SHE: variants seen among roughly 807,000 people sequenced by gnomAD.
SHE encodes Src homology 2 domain containing E.
A neutral mutation model predicts 49.8 loss-of-function variants in SHE; 11 were observed. The ratio of observed to expected loss-of-function variants is 0.22; its 90% confidence interval spans 0.14 to 0.37. SHE has a LOEUF of 0.37. Among genes scored for constraint, SHE ranks in the 10% least tolerant of loss-of-function variants. The pLI is 1.00. For synonymous variants in SHE, 310 were observed against 278.1 expected, an observed-to-expected ratio of 1.11 and a Z score of -1.14; for missense variants, 624 against 655.5, an observed-to-expected ratio of 0.95 and a Z score of 0.52.
At chr1:154,472,348 T>C (rs1046441795) in intron 1 of SHE, among the ~76,000 whole-genome samples, 1 of 152,180 alleles carries the variant, frequency 6.6e-6, no homozygotes, top group Non-Finnish European at 1.5e-5. Context: ...TAAATGCACC[T>C]CAGCATGTAA....
Position 154,489,199 on chromosome 1 carries a change from A to C in SHE, c.876T>G (p.Thr292=). ...LLGKPPQLYD[T]PYEPAEGGPR... is the part of the protein sequence containing the mutation. ...GCCCCCCTTCTGCAGGCTCGTAGGGAGTGTCGTATAGCTGTGGCGGCTTCC... is the reference window on the plus strand; with the variant it reads ...GCCCCCCTTCTGCAGGCTCGTAGGGCGTGTCGTATAGCTGTGGCGGCTTCC... The change falls in exon 3 of 6, where the codon ACT becomes ACG. Residue 292 remains threonine (T), a synonymous_variant. Coordinates refer to ENST00000304760, the MANE Select transcript of SHE (RefSeq NM_001010846.3). 1 of 1,613,954 alleles carries C rather than the reference A, an allele frequency of 6.2e-7. No individual in the cohort carries two copies. Among genetic ancestry groups the C allele is most frequent in the Non-Finnish European group, 8.5e-7 (1 of 1,179,992 alleles).
At chr1:154,498,678 G>A (rs902307281) in intron 2 of SHE, among the ~76,000 whole-genome samples, 3 of 152,156 alleles carry the variant, frequency 2.0e-5, no homozygotes, top group Non-Finnish European at 2.9e-5. Flanking sequence ...TTATAGGCAC[G>A]AGCCACTGCA....
chr1:154,490,019 C>T (rs552417202), intron 2 of SHE, among the ~76,000 whole-genome samples: 3 of 152,326 alleles, frequency 2.0e-5, no homozygotes, highest in African/African-American at 7.2e-5. Flanking sequence ...ATCACTTTTG[C>T]ACCACTGTAA....
Position 154,481,880 on chromosome 1 carries a change from C to CA in SHE, c.*2268dup. On this transcript the variant is annotated 3_prime_UTR_variant, in exon 6 of 6. Coordinates refer to ENST00000304760, the MANE Select transcript of SHE (RefSeq NM_001010846.3). The stretch of plus-strand genomic sequence containing the variant: ...TTGCTTGCTTGTTGAGACAGGGTCT[C>CA]ACTCTGTCACTCAGGCTGGAGTGCA... The CA allele has an allele frequency of 1.3e-6, 1 of 787,534 alleles. No homozygotes were observed. The highest frequency in any genetic ancestry group is 1.5e-6 in the Non-Finnish European group (1 of 649,506). The allele number at this position is 787,534 out of a possible 1,614,324, so 48.8% of individuals were successfully genotyped here.
At chr1:154,489,526 G>T in intron 2 of SHE, among the ~76,000 whole-genome samples, 170 bp from the exon 3 acceptor site, 1 of 152,228 alleles carries the variant, frequency 6.6e-6, no homozygotes, top group East Asian at 1.9e-4. Flanking sequence ...TTACTTCTCA[G>T]CTGTGTTACA....
chr1:154,481,406 T>C lies in SHE; in HGVS notation c.*2743A>G, dbSNP rs199646267. On this transcript the variant is annotated 3_prime_UTR_variant, in exon 6 of 6. Coordinates refer to ENST00000304760, the MANE Select transcript of SHE (RefSeq NM_001010846.3). ...TGCCTCTCCTCTACTTTTAATTCTA[T>C]AAAGAATATAGTATGACTTGTCACA... 8.1e-6 allele frequency: 8 copies of C among 985,440 alleles called. No individual in the cohort carries two copies. In the East Asian group the frequency reaches 9.1e-4, roughly 112 times the overall value. The allele number at this position is 985,440 out of a possible 1,614,324, so 61.0% of individuals were successfully genotyped here. A position where few individuals can be genotyped will look rare whatever the true frequency, so the allele number is the denominator to read the frequency against.
Position 154,481,361 on chromosome 1 carries a change from A to G in SHE, c.*2788T>C. On this transcript the variant is annotated 3_prime_UTR_variant, in exon 6 of 6. Coordinates refer to ENST00000304760, the MANE Select transcript of SHE (RefSeq NM_001010846.3). The stretch of plus-strand genomic sequence containing the variant: ...TAACCTCCTGTACAACTGTAAAGCA[A>G]CTGGACAATATGTAAACTCTGCCTC... 1.0e-6 allele frequency: 1 copy of G among 985,468 alleles called. No individual in the cohort carries two copies. Among genetic ancestry groups the G allele is most frequent in the Non-Finnish European group, 1.2e-6 (1 of 829,938 alleles). The allele number at this position is 985,468 out of a possible 1,614,324, so 61.0% of individuals were successfully genotyped here.
chr1:154,500,463 C>T (rs933230957), intron 1 of SHE, among the ~76,000 whole-genome samples: 27 of 152,186 alleles, frequency 1.8e-4, no homozygotes, highest in Admixed American at 3.3e-4. Context: ...ACATACACAG[C>T]ATGTGTTATG....
intron 2 of SHE, among the ~76,000 whole-genome samples, chr1:154,495,175 C>A (rs570608424): frequency 3.4e-4 from 52 of 152,368 alleles, no homozygotes; most frequent in Non-Finnish European, 6.8e-4. Context: ...AGAAAGAATC[C>A]TCATGCTAAC....
At chr1:154,495,600 T>C (rs1692503473) in intron 2 of SHE, among the ~76,000 whole-genome samples, 1 of 152,110 alleles carries the variant, frequency 6.6e-6, no homozygotes, top group Admixed American at 6.5e-5. Flanking sequence ...TCATGGCACT[T>C]ATCATGCTTT....
At chr1:154,486,299 T>G (rs1692180502) in intron 4 of SHE, among the ~76,000 whole-genome samples, 1 of 152,184 alleles carries the variant, frequency 6.6e-6, no homozygotes, top group Non-Finnish European at 1.5e-5. Context: ...TTGAACAGTT[T>G]TCACTCTCTA....
At chr1:154,488,259 AT>A (rs1692245752) in intron 3 of SHE, among the ~76,000 whole-genome samples, 2 of 147,356 alleles carry the variant, frequency 1.4e-5, no homozygotes, top group Non-Finnish European at 3.0e-5. Context: ...CTTTTGTATA[AT>A]TATTATTATT....
At chr1:154,496,161 G>C (rs1415681996) in intron 2 of SHE, among the ~76,000 whole-genome samples, 1 of 152,188 alleles carries the variant, frequency 6.6e-6, no homozygotes, top group South Asian at 2.1e-4. Flanking sequence ...AAGAGGTAGA[G>C]TCTCTACACT....
At chr1:154,474,198 A>G (rs947086423) in intron 1 of SHE, among the ~76,000 whole-genome samples, 5 of 152,192 alleles carry the variant, frequency 3.3e-5, no homozygotes, top group African/African-American at 9.7e-5. Context: ...GTGGTTTGTC[A>G]CGTTTATCAG....
At chr1:154,487,603 G>A (rs896092968) in intron 3 of SHE, among the ~76,000 whole-genome samples, 1 of 151,882 alleles carries the variant, frequency 6.6e-6, no homozygotes, top group African/African-American at 2.4e-5. Context: ...TGTAATCCCA[G>A]CACTTTGGGA....
At chr1:154,489,767 A>C (rs962857768) in intron 2 of SHE, among the ~76,000 whole-genome samples, 1 of 152,248 alleles carries the variant, frequency 6.6e-6, no homozygotes, top group Non-Finnish European at 1.5e-5. Flanking sequence ...AGCCCAGATA[A>C]AAGAATTGTA....
At chr1:154,498,743 T>G (rs946066778) in intron 2 of SHE, among the ~76,000 whole-genome samples, 3 of 152,212 alleles carry the variant, frequency 2.0e-5, no homozygotes, top group African/African-American at 7.2e-5. Flanking sequence ...ATGTATTTGC[T>G]TCTTGGTAAG....
At chr1:154,477,242 C>T (rs1324405566), downstream of SHE, among the ~76,000 whole-genome samples, 1 of 152,194 alleles carries the variant, frequency 6.6e-6, no homozygotes, top group Non-Finnish European at 1.5e-5. Flanking sequence ...GGGTAGAGAG[C>T]ACATTGATCA....
intron 1 of SHE, chr1:154,470,485 G>A: frequency 1.1e-6 from 1 of 941,540 alleles, no homozygotes; most frequent in Non-Finnish European, 1.5e-6. Context: ...ACAGGGCAGG[G>A]GCAGGAAACA....
Sources: gnomAD v4.1 joint callset for allele counts (sites outside exome capture counted in the v4.1 genomes callset) on GRCh38, gnomAD v4.1.1 for gene constraint, MANE v1.5 for transcripts, NCBI Gene and HGNC (gene_info 2026-07-23, HGNC 2026-07-21) for gene names.